FARS2: variants seen among roughly 807,000 people sequenced by gnomAD.
The protein encoded by FARS2 is phenylalanine--tRNA ligase, mitochondrial.
FARS2 carries 40 observed loss-of-function variants against 46.4 expected under a neutral mutation model. The ratio of observed to expected loss-of-function variants is 0.86; its 90% CI spans 0.67 to 1.12. The LOEUF is 1.12. Ranked by LOEUF, FARS2 falls within the 50% of genes most tolerant of loss-of-function variation. The pLI is 0.00. For synonymous variants in FARS2, 234 were observed against 214.9 expected (o/e 1.09, Z -0.78); for missense variants, 513 against 567.9 (o/e 0.90, Z 0.98).
chr6:5,458,363 C>T (rs1333414252), intron 4 of FARS2, among the ~76,000 whole-genome samples: 2 of 152,196 alleles, frequency 1.3e-5, no homozygotes, highest in African/African-American at 4.8e-5. Context: ...CAAAGCTGGC[C>T]TTCCTGCCAG....
chr6:5,507,441 G>A (rs1582302217), intron 4 of FARS2, among the ~76,000 whole-genome samples: 1 of 152,142 alleles, frequency 6.6e-6, no homozygotes, highest in Non-Finnish European at 1.5e-5. Context: ...CTGAGAAGGA[G>A]TTTGAAGCAT....
intron 6 of FARS2, among the ~76,000 whole-genome samples, chr6:5,745,544 T>G (rs1761588007): frequency 6.6e-6 from 1 of 152,124 alleles, no homozygotes; most frequent in South Asian, 2.1e-4. Context: ...AATCGATGAG[T>G]CTTTTTTATT....
At chr6:5,305,296 G>GGTAT (rs1768618112) in intron 1 of FARS2, among the ~76,000 whole-genome samples, 2 of 152,140 alleles carry the variant, frequency 1.3e-5, no homozygotes, top group African/African-American at 2.4e-5. Flanking sequence ...TTCCTAAAAT[G>GGTAT]TCTAGCACAT....
intron 1 of FARS2, among the ~76,000 whole-genome samples, chr6:5,264,701 C>G (rs1202718372): frequency 6.6e-6 from 1 of 152,002 alleles, no homozygotes; most frequent in Non-Finnish European, 1.5e-5. Flanking sequence ...GCCACCGCGC[C>G]CGGCCCATAA....
intron 5 of FARS2, among the ~76,000 whole-genome samples, chr6:5,570,803 T>C (rs1246914858): frequency 1.3e-5 from 2 of 151,446 alleles, no homozygotes; most frequent in African/African-American, 2.4e-5. Context: ...GAAACGGGGG[T>C]AATCTGCACT....
rs1008200853 is a variant in FARS2, at chr6:5,528,220, A to T, written c.905-16960A>T. On this transcript the variant is annotated intron_variant, in intron 4 of 6. Coordinates refer to ENST00000274680, the MANE Select transcript of FARS2 (RefSeq NM_006567.5). ...TTGTATTTAAAAAAAAAAGAGATGG[A>T]GGTTTCACTCTGTTGCCAAGGTTGG... Among the ~76,000 whole-genome samples, 7 of 151,582 alleles carry T rather than the reference A, an allele frequency of 4.6e-5. No individual in the cohort carries two copies. In the East Asian group the frequency reaches 1.2e-3, roughly 25 times the overall value.
intron 4 of FARS2, among the ~76,000 whole-genome samples, chr6:5,542,820 G>T (rs1047585909): frequency 6.6e-6 from 1 of 152,034 alleles, no homozygotes; most frequent in East Asian, 1.9e-4. Flanking sequence ...GATTTCCCTT[G>T]TGATGACTTC....
chr6:5,406,694 G>T (rs368885224), intron 3 of FARS2, among the ~76,000 whole-genome samples: 1 of 150,916 alleles, frequency 6.6e-6, no homozygotes, highest in Non-Finnish European at 1.5e-5. Flanking sequence ...GTAGTTTCCA[G>T]TTTTTTGCTA....
chr6:5,730,075 G>C (rs1266449239), intron 6 of FARS2, among the ~76,000 whole-genome samples: 2 of 152,144 alleles, frequency 1.3e-5, no homozygotes, highest in Non-Finnish European at 2.9e-5. Flanking sequence ...ATCACACCAA[G>C]GCAGCCCACC....
chr6:5,287,209 G>A lies in FARS2; in HGVS notation c.-22+25549G>A, dbSNP rs116665001. ...AGATTTGATTTTGCATGTTGAGCCC[G>A]AGGCATTCCTTTGCCTGACTTGGCT... is the stretch of plus-strand genomic sequence containing the variant. On this transcript the variant is annotated intron_variant, in intron 1 of 6. Transcript: ENST00000274680. 2.1e-3 allele frequency among the ~76,000 whole-genome samples: 313 copies of A among 152,342 alleles called. 2 individuals carry two copies. The highest frequency in any genetic ancestry group is 7.3e-3 in the African/African-American group (304 of 41,578).
chr6:5,470,219 T>C (rs1214098854), intron 4 of FARS2, among the ~76,000 whole-genome samples: 1 of 152,188 alleles, frequency 6.6e-6, no homozygotes, highest in Non-Finnish European at 1.5e-5. Flanking sequence ...ATCAAAAATA[T>C]TCAGGAAAAA....
At chr6:5,530,219 G>A (rs1475139565) in intron 4 of FARS2, among the ~76,000 whole-genome samples, 1 of 152,150 alleles carries the variant, frequency 6.6e-6, no homozygotes, top group Admixed American at 6.5e-5. Flanking sequence ...CTGGGGTCCA[G>A]AACCTGAATC....
intron 5 of FARS2, among the ~76,000 whole-genome samples, chr6:5,579,301 C>T (rs1307195988): frequency 6.6e-6 from 1 of 152,144 alleles, no homozygotes; most frequent in African/African-American, 2.4e-5. Context: ...TGCTCTGTCT[C>T]CCAGGCTGGA....
intron 1 of FARS2, among the ~76,000 whole-genome samples, chr6:5,303,434 A>G (rs1291590701): frequency 6.6e-6 from 1 of 152,078 alleles, no homozygotes; most frequent in Non-Finnish European, 1.5e-5. Context: ...CCCAAGGTGA[A>G]GTCGGTTGCC....
At chr6:5,603,421 G>A (rs1774654301) in intron 5 of FARS2, among the ~76,000 whole-genome samples, 1 of 152,198 alleles carries the variant, frequency 6.6e-6, no homozygotes, top group Admixed American at 6.5e-5. Flanking sequence ...AACAAAGGGC[G>A]GGTATGTTAG....
chr6:5,612,856 T>C (rs1377910124), intron 5 of FARS2, among the ~76,000 whole-genome samples: 1 of 152,202 alleles, frequency 6.6e-6, no homozygotes, highest in Non-Finnish European at 1.5e-5. Flanking sequence ...TCTCCTCTAG[T>C]ATTCAAATGG....
intron 5 of FARS2, among the ~76,000 whole-genome samples, chr6:5,585,685 A>G (rs537782444): frequency 1.3e-5 from 2 of 151,882 alleles, no homozygotes; most frequent in African/African-American, 4.8e-5. Context: ...TCTAATATAT[A>G]TAATATCCCA....
chr6:5,747,855 C>T (rs17141229), intron 6 of FARS2, among the ~76,000 whole-genome samples: 25,894 of 152,132 alleles, frequency 0.17, 2,804 homozygotes, highest in African/African-American at 0.31. Context: ...ATTTTTTATA[C>T]ACCCAAGATG....
chr6:5,484,782 G>A (rs919917768), intron 4 of FARS2, among the ~76,000 whole-genome samples: 3 of 152,192 alleles, frequency 2.0e-5, no homozygotes, highest in Non-Finnish European at 4.4e-5. Context: ...GGATTGAAGG[G>A]CACAGTGAGT....
Sources: gnomAD v4.1 joint callset for allele counts (sites outside exome capture counted in the v4.1 genomes callset) on GRCh38, gnomAD v4.1.1 for gene constraint, MANE v1.5 for transcripts, NCBI Gene and HGNC (gene_info 2026-07-23, HGNC 2026-07-21) for gene names.